Variants in TMTC2 observed in about 807,000 individuals in gnomAD.
TMTC2 encodes protein O-mannosyl-transferase TMTC2.
Under a neutral mutation model 82.4 loss-of-function variants are expected in TMTC2, and 43 were observed. The observed-to-expected ratio is 0.52, with a 90% CI of 0.41 to 0.67. TMTC2 has a LOEUF of 0.67. Among genes scored for constraint, TMTC2 ranks in the 30% least tolerant of loss-of-function variants. The pLI, the probability that TMTC2 is intolerant of heterozygous loss-of-function variation, is 0.00. For missense variants in TMTC2, 919 were observed against 1,012.4 expected, an observed-to-expected ratio of 0.91 and a Z score of 1.25; for synonymous variants, 408 against 381.9, an observed-to-expected ratio of 1.07 and a Z score of -0.80.
rs1181913598 is a variant in TMTC2 at position 82,966,989 on chromosome 12, A to G, written c.1940A>G (p.Asn647Ser). The change falls in exon 7 of 12, where the codon AAC becomes AGC. Residue 647 changes from asparagine (N) to serine (S), a missense_variant. Asn to Ser is a conservative substitution (Grantham distance 46, BLOSUM62 1). Coordinates refer to ENST00000321196, the MANE Select transcript of TMTC2 (RefSeq NM_152588.3). The part of the protein sequence containing the change: ...PRQFAPQSLY[N>S]MMGEAYMRLS... ...CAGTTTGCCCCACAGAGCTTGTACAACATGATGGGTAAGTAAAACATTAAC... is the reference window on the plus strand; with the variant it reads ...CAGTTTGCCCCACAGAGCTTGTACAGCATGATGGGTAAGTAAAACATTAAC... 6.2e-7 allele frequency: 1 copy of G among 1,612,418 alleles called. No homozygotes were observed. The highest frequency in any genetic ancestry group is 1.3e-5 in the African/African-American group (1 of 74,866).
intron 1 of TMTC2, among the ~76,000 whole-genome samples, chr12:82,764,725 G>A (rs1413204644): frequency 6.6e-6 from 1 of 152,018 alleles, no homozygotes; most frequent in African/African-American, 2.4e-5. Context: ...AGATGATTTT[G>A]AGGGCTCCAA....
intron 4 of TMTC2, among the ~76,000 whole-genome samples, chr12:82,945,581 C>G (rs1447712561): frequency 6.6e-6 from 1 of 152,172 alleles, no homozygotes; most frequent in African/African-American, 2.4e-5. Flanking sequence ...ATGGAAAGTG[C>G]AGGCTGATGT....
intron 4 of TMTC2, among the ~76,000 whole-genome samples, chr12:82,945,352 C>T (rs1371419017): frequency 6.6e-6 from 1 of 152,152 alleles, no homozygotes; most frequent in East Asian, 1.9e-4. Context: ...AGACATTTTT[C>T]TGCAATCTCA....
intron 8 of TMTC2, among the ~76,000 whole-genome samples, chr12:83,001,451 G>A (rs2629040): frequency 0.77 from 115,703 of 151,120 alleles, 45,830 homozygotes; most frequent in South Asian, 0.93. Context: ...TAACCTGACC[G>A]ACATGGAGTA....
chr12:82,825,878 A>G (rs560332707), intron 1 of TMTC2, among the ~76,000 whole-genome samples: 2 of 151,700 alleles, frequency 1.3e-5, no homozygotes, highest in Admixed American at 1.3e-4. Context: ...ACACACACAC[A>G]CTCTCACACA....
At chr12:82,937,738 G>GTGTGTGGA (rs1555199182) in intron 4 of TMTC2, among the ~76,000 whole-genome samples, 1 of 93,460 alleles carries the variant, frequency 1.1e-5, no homozygotes, top group African/African-American at 4.1e-5. Context: ...GGATGTGTGT[G>GTGTGTGGA]TGTGTGTGTG....
intron 7 of TMTC2, 113 bp from the exon 8 acceptor site, chr12:82,985,812 C>G (rs866710558): frequency 7.5e-7 from 1 of 1,331,954 alleles, no homozygotes; most frequent in Non-Finnish European, 1.0e-6. Context: ...GAAAGTACTT[C>G]CCACAGCATC....
intron 11 of TMTC2, among the ~76,000 whole-genome samples, chr12:83,122,626 G>T (rs1036386951): frequency 6.6e-6 from 1 of 152,216 alleles, no homozygotes; most frequent in Non-Finnish European, 1.5e-5. Context: ...GGGGGCGGAT[G>T]ACCTCCTTTT....
chr12:83,033,710 C>A (rs371977832), intron 9 of TMTC2, among the ~76,000 whole-genome samples: 68 of 151,762 alleles, frequency 4.5e-4, no homozygotes, highest in Middle Eastern at 3.4e-3. Context: ...AAGATCGCAC[C>A]ACTGCACTCC....
intron 9 of TMTC2, 66 bp downstream of exon 9, chr12:83,030,945 G>A: frequency 8.4e-7 from 1 of 1,191,658 alleles, no homozygotes; most frequent in Non-Finnish European, 1.2e-6. Flanking sequence ...ATGAGATCTA[G>A]GCTTTGCTGG....
intron 1 of TMTC2, among the ~76,000 whole-genome samples, chr12:82,701,906 C>G (rs1424148762): frequency 6.6e-6 from 1 of 151,938 alleles, no homozygotes; most frequent in Non-Finnish European, 1.5e-5. Context: ...CTCTTCACCC[C>G]CATTTCCTTG....
intron 1 of TMTC2, among the ~76,000 whole-genome samples, chr12:82,846,679 T>C (rs1164448684): frequency 5.9e-5 from 9 of 152,136 alleles, no homozygotes; most frequent in Non-Finnish European, 1.5e-5. Flanking sequence ...TTAGCATTCG[T>C]AGAATTTTCT....
intron 11 of TMTC2, among the ~76,000 whole-genome samples, chr12:83,098,658 G>A (rs539539551): frequency 1.3e-5 from 2 of 152,016 alleles, no homozygotes; most frequent in East Asian, 1.9e-4. Context: ...AAGTTTTATC[G>A]GAAACCAGAT....
intron 1 of TMTC2, among the ~76,000 whole-genome samples, chr12:82,780,533 G>A (rs540614797): frequency 2.0e-5 from 3 of 151,936 alleles, no homozygotes; most frequent in Middle Eastern, 6.8e-3. Flanking sequence ...TATATTAAAA[G>A]CGTAAGTAAT....
chr12:82,810,570 A>G (rs1879444827), intron 1 of TMTC2, among the ~76,000 whole-genome samples: 1 of 152,054 alleles, frequency 6.6e-6, no homozygotes, highest in Admixed American at 6.6e-5. Context: ...ATTTTCCAGC[A>G]AGGTTTTTAT....
intron 2 of TMTC2, among the ~76,000 whole-genome samples, chr12:82,891,157 TAAACC>T (rs1873374283): frequency 6.6e-6 from 1 of 152,212 alleles, no homozygotes; most frequent in Non-Finnish European, 1.5e-5. Context: ...ATTTAATCCA[TAAACC>T]ATAGCATAGG....
At chr12:82,706,266 G>A (rs1873347880) in intron 1 of TMTC2, among the ~76,000 whole-genome samples, 3 of 147,704 alleles carry the variant, frequency 2.0e-5, no homozygotes, top group Admixed American at 6.9e-5. Context: ...GCAGTGAGCC[G>A]AGATTGTGCC....
intron 1 of TMTC2, among the ~76,000 whole-genome samples, chr12:82,738,872 G>C (rs1441933841): frequency 6.6e-6 from 1 of 152,046 alleles, no homozygotes; most frequent in Non-Finnish European, 1.5e-5. Context: ...ACATGGCTGG[G>C]TGTGATGGCT....
intron 3 of TMTC2, among the ~76,000 whole-genome samples, chr12:82,929,588 A>G (rs1199140486): frequency 6.6e-6 from 1 of 152,116 alleles, no homozygotes; most frequent in Non-Finnish European, 1.5e-5. Context: ...ACCCAACTAA[A>G]TATATCTCAA....
Sources: gnomAD v4.1 joint callset for allele counts (sites outside exome capture counted in the v4.1 genomes callset) on GRCh38, gnomAD v4.1.1 for gene constraint, MANE v1.5 for transcripts, NCBI Gene and HGNC (gene_info 2026-07-23, HGNC 2026-07-21) for gene names.